Variants in ESRRG observed in about 807,000 individuals in gnomAD.
The protein encoded by ESRRG is estrogen-related receptor gamma.
ESRRG carries 13 observed loss-of-function variants against 44.0 expected under a neutral mutation model. That is an observed-to-expected ratio of 0.30 (90% CI 0.19 to 0.47). The LOEUF (loss-of-function observed/expected upper bound fraction) is 0.47. Among genes scored for constraint, ESRRG ranks in the 20% least tolerant of loss-of-function variants. ESRRG has a pLI of 1.00. For missense variants in ESRRG, 395 were observed against 580.6 expected (o/e 0.68, Z 3.29); for synonymous variants, 215 against 214.6 (o/e 1.00, Z -0.02).
intron 1 of ESRRG, among the ~76,000 whole-genome samples, chr1:217,083,289 G>C (rs2091887224): frequency 6.6e-6 from 1 of 152,168 alleles, no homozygotes; most frequent in Non-Finnish European, 1.5e-5. Context: ...TAAATTTCAT[G>C]AGGCTTTCAT....
intron 1 of ESRRG, among the ~76,000 whole-genome samples, chr1:217,121,069 G>A (rs1207136575): frequency 6.6e-6 from 1 of 151,836 alleles, no homozygotes; most frequent in East Asian, 1.9e-4. Flanking sequence ...CTGGGGGAAG[G>A]GAGGGATAAT....
chr1:216,720,584 A>G (rs2086029646), intron 1 of ESRRG, among the ~76,000 whole-genome samples: 1 of 152,064 alleles, frequency 6.6e-6, no homozygotes, highest in Non-Finnish European at 1.5e-5. Context: ...TGTTACTGTT[A>G]CTGTATAAAT....
chr1:216,921,209 A>T (rs548877045), intron 2 of ESRRG, among the ~76,000 whole-genome samples: 1 of 152,184 alleles, frequency 6.6e-6, no homozygotes, highest in Non-Finnish European at 1.5e-5. Flanking sequence ...CACATCTTTC[A>T]TCAGGAGGTG....
chr1:217,003,587 A>ATTAG (rs58881157), intron 1 of ESRRG, among the ~76,000 whole-genome samples: 17,399 of 148,036 alleles, frequency 0.12, 1,688 homozygotes, highest in African/African-American at 0.26. Flanking sequence ...ATAAGTATTA[A>ATTAG]TATTAATTAA....
At chr1:217,105,579 C>T (rs914024794) in intron 1 of ESRRG, among the ~76,000 whole-genome samples, 4 of 152,238 alleles carry the variant, frequency 2.6e-5, no homozygotes, top group African/African-American at 9.6e-5. Flanking sequence ...TGTGGCCTCC[C>T]CTGGACTCCC....
chr1:216,823,218 G>C (rs972583116), intron 2 of ESRRG, among the ~76,000 whole-genome samples: 2 of 151,996 alleles, frequency 1.3e-5, no homozygotes, highest in Non-Finnish European at 2.9e-5. Flanking sequence ...ATCTGTAAGA[G>C]AAGGGAGTAA....
At position 216,564,202 on chromosome 1, in the gene ESRRG, C is replaced by A. The variant is rs2059283676; in HGVS notation, c.862+17G>T. The A allele has an allele frequency of 1.4e-6, 2 of 1,463,612 alleles. No individual in the cohort carries two copies. The highest frequency in any genetic ancestry group is 2.9e-5 in the African/African-American group (2 of 69,154). 90.7% of individuals were successfully genotyped at this position (1,463,612 alleles called of 1,614,324 possible). A position where few individuals can be genotyped will look rare whatever the true frequency, so the allele number is the denominator to read the frequency against. On this transcript the variant is annotated intron_variant, in intron 5 of 6. Transcript: ENST00000408911. ...AATTGCAACCTTTTCTTTTCTTTTT[C>A]TTTTCAGAAAATGTACCTGGAATAT...
Position 216,873,028 on chromosome 1 carries a change from G to C in ESRRG, c.-14+66554C>G, listed in dbSNP as rs893690703. Among the ~76,000 whole-genome samples the C allele has an allele frequency of 3.3e-5, 5 of 152,072 alleles. No homozygotes were observed. The South Asian group carries it at 1.0e-3, about 32-fold the overall frequency. On this transcript the variant is annotated intron_variant, in intron 2 of 7. Transcript: ENST00000359162. ...TCTCATGGCTATGGTTTCAAAACTA[G>C]GTCAGTTTTCAAAGTTTTTGCAGTT...
chr1:217,030,770 G>C (rs1426782025), intron 1 of ESRRG, among the ~76,000 whole-genome samples: 1 of 152,232 alleles, frequency 6.6e-6, no homozygotes, highest in East Asian at 1.9e-4. Context: ...TTGAGCACAT[G>C]AAATGTGGCC....
chr1:217,081,781 C>T (rs2091787171), intron 1 of ESRRG, among the ~76,000 whole-genome samples: 1 of 152,100 alleles, frequency 6.6e-6, no homozygotes, highest in African/African-American at 2.4e-5. Flanking sequence ...GTACCCTGGG[C>T]ATATTTTAAA....
Position 217,066,099 on chromosome 1 carries a change from C to T in ESRRG, c.-106+23408G>A, listed in dbSNP as rs533491714. Reference sequence around the variant, plus strand: ...TACATTTAGTAAGCTCTCTATAAGTCGTGGCTATCGCTACTGTTGTGCTGG... The same window carrying T: ...TACATTTAGTAAGCTCTCTATAAGTTGTGGCTATCGCTACTGTTGTGCTGG... On this transcript the variant is annotated intron_variant, in intron 1 of 7. Coordinates refer to the ESRRG transcript ENST00000359162. Among the ~76,000 whole-genome samples, 56 of 152,274 alleles carry T rather than the reference C, an allele frequency of 3.7e-4. 1 individual carries two copies. The highest frequency in any genetic ancestry group is 1.4e-3 in the South Asian group (7 of 4,828).
intron 5 of ESRRG, among the ~76,000 whole-genome samples, chr1:216,527,338 A>G (rs1232783106): frequency 6.6e-6 from 1 of 152,044 alleles, no homozygotes; most frequent in Non-Finnish European, 1.5e-5. Flanking sequence ...ATCCTTTTAT[A>G]TCTTGTATTT....
At chr1:216,933,893 A>T (rs1395859537) in intron 2 of ESRRG, among the ~76,000 whole-genome samples, 1 of 151,616 alleles carries the variant, frequency 6.6e-6, no homozygotes, top group East Asian at 1.9e-4. Context: ...CTGCTCCCCC[A>T]TCTTCCCTCC....
chr1:216,983,676 G>T (rs1274390548), intron 1 of ESRRG, among the ~76,000 whole-genome samples: 1 of 88,320 alleles, frequency 1.1e-5, no homozygotes. Flanking sequence ...TCCCTTTCGC[G>T]TGCATGTGCA....
intron 5 of ESRRG, among the ~76,000 whole-genome samples, chr1:216,527,360 C>G (rs1207136560): frequency 6.6e-6 from 1 of 152,126 alleles, no homozygotes; most frequent in Non-Finnish European, 1.5e-5. Context: ...TTTCTTCCAT[C>G]CTACCCAGGG....
chr1:216,789,286 T>G (rs2094235598), intron 2 of ESRRG, among the ~76,000 whole-genome samples: 3 of 152,230 alleles, frequency 2.0e-5, no homozygotes, highest in Admixed American at 2.0e-4. Flanking sequence ...CACCCCAACC[T>G]TCAGCAACTG....
At chr1:216,626,367 C>T (rs903714242) in intron 3 of ESRRG, among the ~76,000 whole-genome samples, 4 of 152,280 alleles carry the variant, frequency 2.6e-5, no homozygotes, top group Admixed American at 6.5e-5. Context: ...TGTTTTAAAG[C>T]ATTTTTCCCA....
chr1:217,006,872 T>C (rs74141726), intron 1 of ESRRG, among the ~76,000 whole-genome samples: 19,052 of 152,066 alleles, frequency 0.13, 2,005 homozygotes, highest in African/African-American at 0.28. Flanking sequence ...TTAGGCATGC[T>C]CCACCTGTAT....
In ESRRG at chr1:216,644,239, C is replaced by T. The variant is rs921002219; in HGVS notation, c.589+6734G>A. Among the ~76,000 whole-genome samples the T allele has an allele frequency of 5.3e-5, 8 of 151,958 alleles. No homozygotes were observed. The South Asian group carries it at 1.7e-3, about 32-fold the overall frequency. On this transcript the variant is annotated intron_variant, in intron 3 of 6. Coordinates refer to ENST00000408911, the MANE Select transcript of ESRRG (RefSeq NM_001438.4). Reference sequence around the variant, plus strand: ...CACAAATGGTGACTTATTGCAAATGCCAATTCTCAACCTCTGCTTTTACTT... The same window carrying T: ...CACAAATGGTGACTTATTGCAAATGTCAATTCTCAACCTCTGCTTTTACTT...
Sources: allele counts gnomAD v4.1 joint callset (sites outside exome capture counted in the v4.1 genomes callset), GRCh38; gene constraint gnomAD v4.1.1; transcripts MANE v1.5; gene names NCBI Gene and HGNC (gene_info 2026-07-23, HGNC 2026-07-21).